Variants in CNGA3 observed in about 807,000 individuals in gnomAD.
CNGA3 encodes cyclic nucleotide-gated channel alpha-3.
In CNGA3, 42 loss-of-function variants were observed where a neutral mutation model predicts 46.6. That is an observed-to-expected ratio of 0.90 (90% CI 0.70 to 1.17). CNGA3 has a LOEUF of 1.17. Among genes scored for constraint, CNGA3 ranks in the 50% most tolerant of loss-of-function variants. The pLI is 0.00. For missense variants in CNGA3, 893 were observed against 890.7 expected (o/e 1.00, Z -0.03); for synonymous variants, 394 against 369.4 (o/e 1.07, Z -0.76).
Position 98,361,996 on chromosome 2 carries a change from C to G in CNGA3, c.-37-7943C>G, listed in dbSNP as rs911409490. ...TGCTGGGATTACAGGCGTGAGCCAC[C>G]GCGCCCGGCCTTCTTGGCTTTTTAA... On this transcript the variant is annotated intron_variant, in intron 1 of 7. Transcript: ENST00000272602. Among the ~76,000 whole-genome samples, 13 of 150,056 alleles carry G rather than the reference C, an allele frequency of 8.7e-5. 1 individual carries two copies. Among genetic ancestry groups the G allele is most frequent in the African/African-American group, 3.2e-4 (13 of 40,844 alleles).
At chr2:98,391,307 A>G (rs1188426239) in intron 6 of CNGA3, among the ~76,000 whole-genome samples, 4 of 151,782 alleles carry the variant, frequency 2.6e-5, no homozygotes, top group South Asian at 2.1e-4. Flanking sequence ...AGGGCTGGGC[A>G]CTGTTCTCCT....
intron 1 of CNGA3, among the ~76,000 whole-genome samples, chr2:98,354,325 T>C (rs996664894): frequency 3.3e-5 from 5 of 152,242 alleles, no homozygotes; most frequent in Non-Finnish European, 5.9e-5. Context: ...GTCATTGTGC[T>C]TTTGATTTGT....
In CNGA3 at chr2:98,378,002, A is replaced by C. The variant is rs1574376027; in HGVS notation, c.215+202A>C. ...TTCTGAGCTCAGAAAAGTCTAAGGA[A>C]AACTGCCTTTATCTGAAATTGCTTA... On this transcript the variant is annotated intron_variant, in intron 3 of 7. Coordinates refer to ENST00000272602, the MANE Select transcript of CNGA3 (RefSeq NM_001298.3). 2.4e-5 allele frequency: 36 copies of C among 1,525,816 alleles called. No homozygotes were observed. In the East Asian group the frequency reaches 8.8e-4, roughly 37 times the overall value. 94.5% of individuals were successfully genotyped at this position (1,525,816 alleles called of 1,614,324 possible). A position where few individuals can be genotyped will look rare whatever the true frequency, so the allele number is the denominator to read the frequency against.
intron 5 of CNGA3, among the ~76,000 whole-genome samples, chr2:98,385,825 G>C (rs1425171451): frequency 6.6e-6 from 1 of 152,144 alleles, no homozygotes; most frequent in Non-Finnish European, 1.5e-5. Flanking sequence ...GAAGGCAAAG[G>C]GGGAGCAAGG....
intron 6 of CNGA3, among the ~76,000 whole-genome samples, chr2:98,390,103 C>G (rs1692750579): frequency 6.6e-6 from 1 of 150,744 alleles, no homozygotes; most frequent in Non-Finnish European, 1.5e-5. Flanking sequence ...GAACATGCAG[C>G]AGGGTAGGGA....
At chr2:98,392,114 G>C in intron 7 of CNGA3, 144 bp downstream of exon 7, 1 of 735,878 alleles carries the variant, frequency 1.4e-6, no homozygotes, top group Non-Finnish European at 2.4e-6. Flanking sequence ...AGGGTAGGTG[G>C]TGCGGCCTCA....
At chr2:98,391,588 TG>T (rs1273979340) in intron 6 of CNGA3, among the ~76,000 whole-genome samples, 1 of 152,206 alleles carries the variant, frequency 6.6e-6, no homozygotes, top group East Asian at 1.9e-4. Context: ...CGGTACCTCC[TG>T]GGATCTTGTA....
intron 5 of CNGA3, among the ~76,000 whole-genome samples, chr2:98,387,103 C>T (rs1012564541): frequency 6.6e-6 from 1 of 152,184 alleles, no homozygotes; most frequent in African/African-American, 2.4e-5. Flanking sequence ...TAGTCTGCTT[C>T]TTAACTTAGC....
intron 4 of CNGA3, 106 bp downstream of exon 4, chr2:98,380,460 G>T: frequency 7.3e-7 from 1 of 1,364,436 alleles, no homozygotes; most frequent in Admixed American, 2.0e-5. Flanking sequence ...GGCCTGGAAC[G>T]TCATCCCCAT....
intron 1 of CNGA3, among the ~76,000 whole-genome samples, chr2:98,367,185 C>CTTTTTTTTTTTTTTTTTTTT (rs558997785): frequency 3.8e-4 from 36 of 95,224 alleles, no homozygotes; most frequent in African/African-American, 1.3e-3. Flanking sequence ...TCTTTTTTTT[C>CTTTTTTTTTTTTTTTTTTTT]TTTTTTTTTT....
chr2:98,347,965 G>T (rs1159783178), intron 1 of CNGA3, among the ~76,000 whole-genome samples: 1 of 152,232 alleles, frequency 6.6e-6, no homozygotes, highest in Non-Finnish European at 1.5e-5. Context: ...GGACGCGGGT[G>T]GTTGGGCCGG....
Position 98,398,017 on chromosome 2 carries a change from TG to T in CNGA3, c.*763del, listed in dbSNP as rs1692961157. ...AAAGACAGCCCCTATCCTCCATTCT[TG>T]AGTCAGGGCCCTAGGTGACCTATTC... is the stretch of plus-strand genomic sequence containing the variant. On this transcript the variant is annotated 3_prime_UTR_variant, in exon 8 of 8. Transcript: ENST00000272602. 6.5e-6 allele frequency: 1 copy of T among 152,820 alleles called. No individual in the cohort carries two copies. Among genetic ancestry groups the T allele is most frequent in the Admixed American group, 6.5e-5 (1 of 15,362 alleles). 9.5% of individuals were successfully genotyped at this position (152,820 alleles called of 1,614,324 possible). A position where few individuals can be genotyped will look rare whatever the true frequency, so the allele number is the denominator to read the frequency against.
chr2:98,384,256 C>T (rs1423510566), intron 5 of CNGA3, among the ~76,000 whole-genome samples: 1 of 152,106 alleles, frequency 6.6e-6, no homozygotes, highest in Non-Finnish European at 1.5e-5. Flanking sequence ...TGGAAAAAGG[C>T]AATTTAAATA....
chr2:98,362,730 T>G (rs1309572332), intron 1 of CNGA3, among the ~76,000 whole-genome samples: 1 of 152,240 alleles, frequency 6.6e-6, no homozygotes, highest in Non-Finnish European at 1.5e-5. Flanking sequence ...CCTTTGCCCG[T>G]GCCTGTCTTG....
chr2:98,379,167 A>G (rs1223307882), intron 3 of CNGA3, among the ~76,000 whole-genome samples: 1 of 152,218 alleles, frequency 6.6e-6, no homozygotes, highest in Non-Finnish European at 1.5e-5. Flanking sequence ...AGATACCTCC[A>G]AATATGTCTG....
At chr2:98,367,474 G>A (rs1692190220) in intron 1 of CNGA3, among the ~76,000 whole-genome samples, 3 of 152,196 alleles carry the variant, frequency 2.0e-5, no homozygotes, top group South Asian at 2.1e-4. Context: ...GATTACGGGC[G>A]TGAGCTACCC....
chr2:98,376,427 T>C (rs1343196658), intron 2 of CNGA3, among the ~76,000 whole-genome samples: 1 of 152,106 alleles, frequency 6.6e-6, no homozygotes, highest in East Asian at 1.9e-4. Context: ...CGAAGCTACC[T>C]GACTCCCGGT....
At chr2:98,370,902 G>A (rs1420319369) in intron 2 of CNGA3, among the ~76,000 whole-genome samples, 3 of 152,164 alleles carry the variant, frequency 2.0e-5, no homozygotes, top group African/African-American at 4.8e-5. Context: ...TGCAATTAGT[G>A]CAATCTCGGC....
chr2:98,396,090 T>A lies in CNGA3; in HGVS notation c.920T>A (p.Val307Asp). The change falls in exon 8 of 8, where the codon GTC becomes GAC. Residue 307 changes from valine to aspartate, a missense_variant. Val to Asp is a radical substitution (Grantham distance 152). Coordinates refer to ENST00000272602, the MANE Select transcript of CNGA3 (RefSeq NM_001298.3). Reference sequence around the variant, plus strand: ...AATATGTTCAGGATTGGGAACTTGGTCTTGTACATTCTCATCATCATCCAC... The same window carrying A: ...AATATGTTCAGGATTGGGAACTTGGACTTGTACATTCTCATCATCATCCAC... ...YPNMFRIGNL[V>D]LYILIIIHWN... The A allele has an allele frequency of 6.2e-7, 1 of 1,614,234 alleles. No individual in the cohort carries two copies. Among genetic ancestry groups the A allele is most frequent in the Non-Finnish European group, 8.5e-7 (1 of 1,180,034 alleles).
Sources: gnomAD v4.1 joint callset for allele counts (sites outside exome capture counted in the v4.1 genomes callset) on GRCh38, gnomAD v4.1.1 for gene constraint, MANE v1.5 for transcripts, NCBI Gene and HGNC (gene_info 2026-07-23, HGNC 2026-07-21) for gene names.